Variants in NCAM2 observed in about 807,000 individuals in gnomAD.
NCAM2 encodes the protein N-CAM-2.
In NCAM2, 30 loss-of-function variants were observed where a neutral mutation model predicts 98.1. That is an observed-to-expected ratio of 0.31 (90% CI 0.23 to 0.41). NCAM2 has a LOEUF of 0.41. Among genes scored for constraint, NCAM2 ranks in the 10% least tolerant of loss-of-function variants. The pLI is 1.00. For synonymous variants in NCAM2, 368 were observed against 342.4 expected (o/e 1.07, Z -0.83); for missense variants, 867 against 1,005.8 (o/e 0.86, Z 1.87).
chr21:21,412,458 G>A (rs1370465256), intron 10 of NCAM2, among the ~76,000 whole-genome samples: 1 of 128,196 alleles, frequency 7.8e-6, no homozygotes, highest in Non-Finnish European at 1.8e-5. Context: ...GTGAGTAAAT[G>A]ACAGACTAAT....
chr21:21,259,561 T>C (rs2147336482), intron 1 of NCAM2, among the ~76,000 whole-genome samples: 1 of 152,130 alleles, frequency 6.6e-6, no homozygotes, highest in African/African-American at 2.4e-5. Flanking sequence ...ATGAGCTGGT[T>C]CCTACTCTTA....
chr21:21,363,563 CCCTGTCACCA>C (rs2075704163), intron 8 of NCAM2, among the ~76,000 whole-genome samples: 1 of 151,926 alleles, frequency 6.6e-6, no homozygotes, highest in Non-Finnish European at 1.5e-5. Flanking sequence ...TCTTTAGCTC[CCCTGTCACCA>C]GACTTACCTT....
chr21:21,253,444 C>G (rs1487106831), intron 1 of NCAM2, among the ~76,000 whole-genome samples: 7 of 151,966 alleles, frequency 4.6e-5, no homozygotes, highest in African/African-American at 1.7e-4. Context: ...GTCATTGGAG[C>G]CCTTATAAAT....
At chr21:21,142,947 C>T (rs532331872) in intron 1 of NCAM2, among the ~76,000 whole-genome samples, 3 of 152,180 alleles carry the variant, frequency 2.0e-5, no homozygotes, top group African/African-American at 4.8e-5. Context: ...TATTAGATTT[C>T]GAGGGATCTC....
Position 20,998,428 on chromosome 21 carries a change from G to A in NCAM2, c.-136G>A. 1 of 698,690 alleles carries A rather than the reference G, an allele frequency of 1.4e-6. No individual in the cohort carries two copies. Among genetic ancestry groups the A allele is most frequent in the Non-Finnish European group, 2.3e-6 (1 of 430,808 alleles). The allele number at this position is 698,690 out of a possible 1,614,324, so 43.3% of individuals were successfully genotyped here. On this transcript the variant is annotated 5_prime_UTR_variant, in exon 1 of 18. Coordinates refer to ENST00000400546, the MANE Select transcript of NCAM2 (RefSeq NM_004540.5). ...GCAGTCACTTTGCGAGGAGGAGCGCGCGGGCTGCGGGCGGCTGGGGCACCG... is the reference window on the plus strand; with the variant it reads ...GCAGTCACTTTGCGAGGAGGAGCGCACGGGCTGCGGGCGGCTGGGGCACCG...
At position 21,313,927 on chromosome 21, in the gene NCAM2, G is replaced by T. The variant is rs1041620344; in HGVS notation, c.620-10456G>T. On this transcript the variant is annotated intron_variant, in intron 5 of 17. Transcript: ENST00000400546. ...GAATCAATGTTTACCATTTCAATTT[G>T]AATGTAGAAAGTATAGCATCATATA... Among the ~76,000 whole-genome samples, 7 of 152,076 alleles carry T rather than the reference G, an allele frequency of 4.6e-5. No homozygotes were observed. In the South Asian group the frequency reaches 1.5e-3, roughly 32 times the overall value.
intron 1 of NCAM2, among the ~76,000 whole-genome samples, chr21:21,016,315 C>T (rs2064307541): frequency 2.0e-5 from 3 of 152,286 alleles, no homozygotes; most frequent in African/African-American, 7.2e-5. Context: ...TTGAAAAGAC[C>T]ATTTTTGACA....
chr21:21,083,096 A>G lies in NCAM2; in HGVS notation c.55+84478A>G, dbSNP rs191120293. Among the ~76,000 whole-genome samples the G allele has an allele frequency of 3.2e-3, 482 of 152,316 alleles. 3 individuals are homozygous for G. Among genetic ancestry groups the G allele is most frequent in the Non-Finnish European group, 5.0e-3 (340 of 68,018 alleles). On this transcript the variant is annotated intron_variant, in intron 1 of 17. Transcript: ENST00000400546. ...TGCATTTTTGAGGTAAGGAAGCTCTATTATAATCAGTAATAGTAGTAGTAA... is the reference window on the plus strand; with the variant it reads ...TGCATTTTTGAGGTAAGGAAGCTCTGTTATAATCAGTAATAGTAGTAGTAA...
At chr21:21,327,055 A>G (rs1444634294) in intron 6 of NCAM2, among the ~76,000 whole-genome samples, 6 of 152,280 alleles carry the variant, frequency 3.9e-5, no homozygotes, top group African/African-American at 7.2e-5. Context: ...CCCACTGGGT[A>G]GTTCACACAA....
chr21:21,004,688 G>T (rs889643011), intron 1 of NCAM2, among the ~76,000 whole-genome samples: 1 of 152,140 alleles, frequency 6.6e-6, no homozygotes, highest in Non-Finnish European at 1.5e-5. Context: ...TAGCGGTTTA[G>T]TGCCTAGAAT....
At chr21:21,128,364 T>G (rs2066870679) in intron 1 of NCAM2, among the ~76,000 whole-genome samples, 1 of 152,158 alleles carries the variant, frequency 6.6e-6, no homozygotes, top group South Asian at 2.1e-4. Flanking sequence ...GTTGTACATG[T>G]CACCTTGACT....
Position 20,998,474 on chromosome 21 carries a change from C to A in NCAM2, c.-90C>A. The A allele has an allele frequency of 7.4e-7, 1 of 1,360,256 alleles. No individual in the cohort carries two copies. The highest frequency in any genetic ancestry group is 1.0e-6 in the Non-Finnish European group (1 of 985,948). The allele number at this position is 1,360,256 out of a possible 1,614,324, so 84.3% of individuals were successfully genotyped here. On this transcript the variant is annotated 5_prime_UTR_variant, in exon 1 of 18. Transcript: ENST00000400546. Reference sequence around the variant, plus strand: ...CACCGCGGGAGCGGCGGCGGCGGCTCTAGCAGAGGCGGCCGGGGCAGCGAA... The same window carrying A: ...CACCGCGGGAGCGGCGGCGGCGGCTATAGCAGAGGCGGCCGGGGCAGCGAA...
intron 1 of NCAM2, among the ~76,000 whole-genome samples, chr21:21,225,788 C>T (rs2070357450): frequency 6.6e-6 from 1 of 151,752 alleles, no homozygotes; most frequent in African/African-American, 2.4e-5. Context: ...GGAGTGTGGC[C>T]AACACACCAA....
At chr21:21,043,459 C>T (rs568940112) in intron 1 of NCAM2, among the ~76,000 whole-genome samples, 23 of 151,810 alleles carry the variant, frequency 1.5e-4, no homozygotes, top group African/African-American at 5.6e-4. Flanking sequence ...TTTTATATTA[C>T]CCTTTTATTC....
At chr21:21,423,796 ATTGAT>A (rs2077160884) in intron 11 of NCAM2, among the ~76,000 whole-genome samples, 1 of 151,928 alleles carries the variant, frequency 6.6e-6, no homozygotes, top group South Asian at 2.1e-4. Flanking sequence ...TTTTTTCAGG[ATTGAT>A]TTAAGTCACA....
chr21:21,451,988 C>G (rs1303225097), intron 12 of NCAM2, among the ~76,000 whole-genome samples: 2 of 152,042 alleles, frequency 1.3e-5, no homozygotes, highest in Non-Finnish European at 2.9e-5. Flanking sequence ...AAATGATTCT[C>G]ACTTAATTCT....
At chr21:21,039,368 A>G (rs1331701280) in intron 1 of NCAM2, among the ~76,000 whole-genome samples, 3 of 152,318 alleles carry the variant, frequency 2.0e-5, no homozygotes, top group East Asian at 3.9e-4. Flanking sequence ...AATAAGTTCT[A>G]ATGTTCAGTA....
intron 1 of NCAM2, among the ~76,000 whole-genome samples, chr21:21,057,807 G>A (rs1406241945): frequency 6.6e-6 from 1 of 151,960 alleles, no homozygotes; most frequent in Non-Finnish European, 1.5e-5. Flanking sequence ...AAAGCTTCAG[G>A]CCTCTCTCTT....
intron 12 of NCAM2, among the ~76,000 whole-genome samples, chr21:21,436,759 CTTTTTTTTTCT>C (rs1978388014): frequency 7.1e-6 from 1 of 141,590 alleles, no homozygotes; most frequent in Admixed American, 7.0e-5. Flanking sequence ...ACAGAAGCAA[CTTTTTTTTTCT>C]TTTTTTTTTT....
Sources: allele counts gnomAD v4.1 joint callset (sites outside exome capture counted in the v4.1 genomes callset), GRCh38; gene constraint gnomAD v4.1.1; transcripts MANE v1.5; gene names NCBI Gene and HGNC (gene_info 2026-07-23, HGNC 2026-07-21).